Variants in GHR observed in about 807,000 individuals in gnomAD.
GHR encodes the protein GH receptor.
In GHR, 35 loss-of-function variants were observed where a neutral mutation model predicts 67.1. The observed-to-expected ratio is 0.52, with a 90% CI of 0.40 to 0.69. The LOEUF (loss-of-function observed/expected upper bound fraction) is 0.69, where lower values mean the gene tolerates loss of function less well. Among genes scored for constraint, GHR ranks in the 30% least tolerant of loss-of-function variants. GHR has a pLI of 0.00. For missense variants in GHR, 792 were observed against 764.6 expected (o/e 1.04, Z -0.42); for synonymous variants, 272 against 269.1 (o/e 1.01, Z -0.10).
chr5:42,563,946 A>T (rs913194036), intron 1 of GHR, among the ~76,000 whole-genome samples: 3 of 152,052 alleles, frequency 2.0e-5, no homozygotes, highest in African/African-American at 7.2e-5. Flanking sequence ...TTCACCTAGG[A>T]GTAAAGGACA....
At chr5:42,663,004 A>G (rs1038625739) in intron 3 of GHR, among the ~76,000 whole-genome samples, 2 of 152,260 alleles carry the variant, frequency 1.3e-5, no homozygotes, top group Non-Finnish European at 2.9e-5. Context: ...GAAGAAATGG[A>G]TAAATTCCTC....
intron 1 of GHR, among the ~76,000 whole-genome samples, chr5:42,542,916 T>C (rs2112385161): frequency 6.6e-6 from 1 of 152,266 alleles, no homozygotes; most frequent in Non-Finnish European, 1.5e-5. Flanking sequence ...TTACTTCTTT[T>C]AGAATAGTGG....
chr5:42,611,147 G>A (rs4305645), intron 2 of GHR, among the ~76,000 whole-genome samples: 150,595 of 152,294 alleles, frequency 0.99, 74,534 homozygotes, highest in Non-Finnish European at 1. Flanking sequence ...GGAATTTTCA[G>A]TGTTTTCTCC....
intron 1 of GHR, among the ~76,000 whole-genome samples, chr5:42,545,476 G>A (rs972888100): frequency 1.3e-5 from 2 of 152,082 alleles, no homozygotes; most frequent in African/African-American, 4.8e-5. Context: ...TACTACATTA[G>A]TACTTAACAG....
intron 1 of GHR, among the ~76,000 whole-genome samples, chr5:42,482,774 G>A (rs941821180): frequency 8.5e-5 from 13 of 152,154 alleles, no homozygotes; most frequent in African/African-American, 1.7e-4. Flanking sequence ...TCCAGGTGCC[G>A]TCTGTCACCC....
At chr5:42,647,276 T>C (rs1026562926) in intron 3 of GHR, among the ~76,000 whole-genome samples, 3 of 151,998 alleles carry the variant, frequency 2.0e-5, no homozygotes, top group African/African-American at 7.3e-5. Context: ...TGCAATGATA[T>C]TAATAATATA....
chr5:42,640,273 G>T lies in GHR; in HGVS notation c.136+11170G>T, dbSNP rs112028960. Among the ~76,000 whole-genome samples the T allele has an allele frequency of 4.5e-3, 685 of 152,170 alleles. 7 individuals carry two copies. Among genetic ancestry groups the T allele is most frequent in the Non-Finnish European group, 7.4e-3 (505 of 68,020 alleles). On this transcript the variant is annotated intron_variant, in intron 3 of 9. Transcript: ENST00000230882. Reference sequence around the variant, plus strand: ...CTGGGAACCATGAGTTGTCTCTTAAGTATGACCTAACATACTGCTAATACC... The same window carrying T: ...CTGGGAACCATGAGTTGTCTCTTAATTATGACCTAACATACTGCTAATACC...
chr5:42,468,585 T>C, intron 1 of GHR: 1 of 997,114 alleles, frequency 1.0e-6, no homozygotes, highest in Admixed American at 2.2e-5. Flanking sequence ...GACGGCTGCG[T>C]CTCCTCTTTC....
At chr5:42,601,191 T>C (rs1752362575) in intron 2 of GHR, among the ~76,000 whole-genome samples, 1 of 152,134 alleles carries the variant, frequency 6.6e-6, no homozygotes, top group Admixed American at 6.5e-5. Flanking sequence ...CCTCCCAAAG[T>C]GCTGGGATTA....
intron 2 of GHR, among the ~76,000 whole-genome samples, chr5:42,573,034 C>T (rs1475947756): frequency 1.3e-5 from 2 of 152,094 alleles, no homozygotes; most frequent in Non-Finnish European, 2.9e-5. Flanking sequence ...CATTCCATGC[C>T]CTGTGTAATA....
At chr5:42,624,439 G>A (rs1480143991) in intron 2 of GHR, among the ~76,000 whole-genome samples, 1 of 152,096 alleles carries the variant, frequency 6.6e-6, no homozygotes. Context: ...AACTTCCTAC[G>A]TAATTTTGAC....
intron 2 of GHR, among the ~76,000 whole-genome samples, chr5:42,607,714 G>A (rs528685110): frequency 6.6e-6 from 1 of 152,200 alleles, no homozygotes; most frequent in Admixed American, 6.5e-5. Flanking sequence ...GAAGGGGCTG[G>A]GATTTGGGAA....
chr5:42,709,770 C>T (rs535556553), intron 6 of GHR, among the ~76,000 whole-genome samples: 15 of 152,186 alleles, frequency 9.9e-5, no homozygotes, highest in African/African-American at 3.1e-4. Context: ...ACTTAGAATA[C>T]CAGCTCTCCT....
intron 2 of GHR, among the ~76,000 whole-genome samples, chr5:42,606,649 C>T (rs867886658): frequency 4.7e-4 from 71 of 152,164 alleles, no homozygotes; most frequent in Middle Eastern, 3.2e-3. Context: ...CCACAAGGTC[C>T]ACCTCCCACA....
intron 1 of GHR, among the ~76,000 whole-genome samples, chr5:42,532,279 T>C (rs1339573975): frequency 6.6e-6 from 1 of 152,116 alleles, no homozygotes; most frequent in African/African-American, 2.4e-5. Flanking sequence ...TATTTTTCTG[T>C]GTAATATTTA....
intron 1 of GHR, among the ~76,000 whole-genome samples, chr5:42,438,866 A>G (rs1743447954): frequency 6.6e-6 from 1 of 152,184 alleles, no homozygotes; most frequent in Non-Finnish European, 1.5e-5. Context: ...CCACCCAGCT[A>G]AGGTGATTCT....
At chr5:42,576,402 T>A (rs1434048700) in intron 2 of GHR, among the ~76,000 whole-genome samples, 1 of 152,044 alleles carries the variant, frequency 6.6e-6, no homozygotes, top group Non-Finnish European at 1.5e-5. Flanking sequence ...TATGTAAAAT[T>A]CCTATAATTA....
intron 3 of GHR, among the ~76,000 whole-genome samples, chr5:42,634,293 C>T (rs1425797050): frequency 2.6e-5 from 4 of 152,010 alleles, no homozygotes; most frequent in African/African-American, 9.7e-5. Flanking sequence ...TATTTTATTC[C>T]AATGTGTATT....
chr5:42,584,586 C>A (rs1430651494), intron 2 of GHR, among the ~76,000 whole-genome samples: 1 of 151,738 alleles, frequency 6.6e-6, no homozygotes, highest in Non-Finnish European at 1.5e-5. Flanking sequence ...AATTATTAAC[C>A]CTTTTTGTGT....
Sources: gnomAD v4.1 joint callset for allele counts (sites outside exome capture counted in the v4.1 genomes callset) on GRCh38, gnomAD v4.1.1 for gene constraint, MANE v1.5 for transcripts, NCBI Gene and HGNC (gene_info 2026-07-23, HGNC 2026-07-21) for gene names.